Variants in FAM13A observed in about 807,000 individuals in gnomAD.
FAM13A encodes family with sequence similarity 13 member A.
A neutral mutation model predicts 129.6 loss-of-function variants in FAM13A; 76 were observed. The ratio of observed to expected loss-of-function variants is 0.59; its 90% CI spans 0.49 to 0.71. The LOEUF is 0.71. Ranked by LOEUF, FAM13A falls within the 30% of genes least tolerant of loss-of-function variation. The probability of loss-of-function intolerance (pLI) is 0.00; values close to 1 mark genes in which losing one functional copy is unlikely to be tolerated. For synonymous variants in FAM13A, 443 were observed against 449.9 expected, an observed-to-expected ratio of 0.98 and a Z score of 0.20; for missense variants, 1,108 against 1,249.3, an observed-to-expected ratio of 0.89 and a Z score of 1.70.
At chr4:88,997,479 G>T (rs1334066463) in intron 3 of FAM13A, among the ~76,000 whole-genome samples, 1 of 151,852 alleles carries the variant, frequency 6.6e-6, no homozygotes, top group Non-Finnish European at 1.5e-5. Context: ...CTCAGCACTC[G>T]AAAACTGTAC....
At chr4:88,931,995 T>G (rs1169426129) in intron 5 of FAM13A, among the ~76,000 whole-genome samples, 1 of 152,196 alleles carries the variant, frequency 6.6e-6, no homozygotes, top group Non-Finnish European at 1.5e-5. Context: ...CTCAGAAGGT[T>G]CTAATATTCT....
intron 5 of FAM13A, among the ~76,000 whole-genome samples, chr4:88,917,430 A>G (rs1339209021): frequency 6.6e-6 from 1 of 152,150 alleles, no homozygotes; most frequent in African/African-American, 2.4e-5. Flanking sequence ...AACGCTGAGG[A>G]CCAAGTATCC....
At chr4:89,024,438 A>G (rs1767672274) in intron 2 of FAM13A, among the ~76,000 whole-genome samples, 1 of 152,244 alleles carries the variant, frequency 6.6e-6, no homozygotes, top group Non-Finnish European at 1.5e-5. Flanking sequence ...ATCTGCTTAA[A>G]GGGCTTGATA....
In FAM13A at chr4:89,020,520, C is replaced by A; in HGVS notation, c.367G>T (p.Glu123Ter). 1 of 1,614,024 alleles carries A rather than the reference C, an allele frequency of 6.2e-7. No homozygotes were observed. The highest frequency in any genetic ancestry group is 1.1e-5 in the South Asian group (1 of 91,076). Residue 123 changes from glutamate to a stop codon, truncating the protein, a stop_gained, in exon 3 of 24, where the codon GAG (glutamate) becomes TAG (stop). Coordinates refer to ENST00000264344, the MANE Select transcript of FAM13A (RefSeq NM_014883.4). LOFTEE classifies it high-confidence loss of function. ...GAGGTGATCAGACTGTCAGGCAGCT[C>A]CCTCAGAAACAGCTTCAACAGACTG... ...AASLLKLFLR[E>*]LPDSLITSAL...
chr4:88,929,036 C>A (rs1752646006), intron 5 of FAM13A, among the ~76,000 whole-genome samples: 3 of 152,072 alleles, frequency 2.0e-5, no homozygotes, highest in African/African-American at 7.2e-5. Flanking sequence ...TTTTCATTTC[C>A]ATTTTTAAGA....
intron 13 of FAM13A, among the ~76,000 whole-genome samples, chr4:88,761,800 A>G (rs73841702): frequency 0.057 from 8,606 of 152,120 alleles, 540 homozygotes; most frequent in East Asian, 0.3. Flanking sequence ...TTAGAGATAC[A>G]AAGACAAAAC....
At chr4:89,055,473 A>G (rs1772107335) in intron 1 of FAM13A, among the ~76,000 whole-genome samples, 1 of 152,202 alleles carries the variant, frequency 6.6e-6, no homozygotes, top group Admixed American at 6.6e-5. Context: ...GGGAAAATAT[A>G]AAGTTTTATA....
intron 6 of FAM13A, among the ~76,000 whole-genome samples, chr4:88,897,140 TCTCTC>T (rs1410529568): frequency 1.3e-5 from 2 of 152,192 alleles, no homozygotes. Flanking sequence ...AATTTTGTCT[TCTCTC>T]CTAACAACTA....
intron 4 of FAM13A, among the ~76,000 whole-genome samples, chr4:88,955,857 A>T (rs1442992665): frequency 1.3e-5 from 2 of 152,222 alleles, no homozygotes; most frequent in East Asian, 3.8e-4. Flanking sequence ...AGCAGAGCAT[A>T]AAAGTTTGGG....
intron 6 of FAM13A, among the ~76,000 whole-genome samples, chr4:88,854,536 T>C (rs1738166083): frequency 6.6e-6 from 1 of 152,242 alleles, no homozygotes; most frequent in Non-Finnish European, 1.5e-5. Flanking sequence ...TTCTTTCTTT[T>C]ACTCATTTCT....
At chr4:89,000,458 T>C (rs1046990179) in intron 3 of FAM13A, among the ~76,000 whole-genome samples, 1 of 152,184 alleles carries the variant, frequency 6.6e-6, no homozygotes, top group Admixed American at 6.5e-5. Context: ...TTATGAAATG[T>C]CCATAGAAGC....
At chr4:88,960,024 CT>C (rs1579506322) in intron 4 of FAM13A, among the ~76,000 whole-genome samples, 1 of 152,276 alleles carries the variant, frequency 6.6e-6, no homozygotes, top group East Asian at 1.9e-4. Context: ...TTGAGAATGA[CT>C]TTTCAAAATA....
intron 7 of FAM13A, among the ~76,000 whole-genome samples, chr4:88,848,039 C>T (rs1578939963): frequency 1.3e-5 from 2 of 152,098 alleles, no homozygotes; most frequent in Non-Finnish European, 2.9e-5. Flanking sequence ...TAATTCTTTA[C>T]AAGGTAATCT....
At chr4:88,959,502 C>T (rs1758298450) in intron 4 of FAM13A, among the ~76,000 whole-genome samples, 1 of 152,184 alleles carries the variant, frequency 6.6e-6, no homozygotes, top group Non-Finnish European at 1.5e-5. Context: ...TTGTTCCTGC[C>T]TTTGCAATGT....
At chr4:88,766,851 C>A (rs934340964) in intron 13 of FAM13A, among the ~76,000 whole-genome samples, 1 of 152,138 alleles carries the variant, frequency 6.6e-6, no homozygotes, top group African/African-American at 2.4e-5. Flanking sequence ...AACTTTAATT[C>A]TTGAAAAGCA....
chr4:88,745,982 A>G lies in FAM13A; in HGVS notation c.2466+950T>C, dbSNP rs1177325514. 2.6e-5 allele frequency among the ~76,000 whole-genome samples: 4 copies of G among 152,122 alleles called. No homozygotes were observed. The South Asian group carries it at 8.3e-4, about 32-fold the overall frequency. On this transcript the variant is annotated intron_variant, in intron 19 of 23. Coordinates refer to ENST00000264344, the MANE Select transcript of FAM13A (RefSeq NM_014883.4). ...GTGCTAGACACTGAGGACTGGGGTC[A>G]CCACTAGGTGAACAAAGCCCAGAAT... is the stretch of plus-strand genomic sequence containing the variant.
At chr4:88,894,620 CA>C (rs1258129103) in intron 6 of FAM13A, among the ~76,000 whole-genome samples, 1 of 152,204 alleles carries the variant, frequency 6.6e-6, no homozygotes, top group East Asian at 1.9e-4. Flanking sequence ...CTCCCAGGTT[CA>C]AGCAATTCTT....
intron 5 of FAM13A, among the ~76,000 whole-genome samples, chr4:88,909,527 G>A (rs1392970866): frequency 6.6e-6 from 1 of 151,070 alleles, no homozygotes; most frequent in Non-Finnish European, 1.5e-5. Flanking sequence ...TCGCTCTGTT[G>A]CCAGGCTGGA....
chr4:88,788,066 A>C, intron 9 of FAM13A, 134 bp from the exon 10 acceptor site: 1 of 598,282 alleles, frequency 1.7e-6, no homozygotes, highest in Non-Finnish European at 2.8e-6. Flanking sequence ...GCAAAGAGAG[A>C]TGATGAGGCA....
Sources: allele counts gnomAD v4.1 joint callset (sites outside exome capture counted in the v4.1 genomes callset), GRCh38; gene constraint gnomAD v4.1.1; transcripts MANE v1.5; gene names NCBI Gene and HGNC (gene_info 2026-07-23, HGNC 2026-07-21).